The following RTTN variants were observed in gnomAD, a reference collection of about 807,000 sequenced individuals.
RTTN encodes the protein rotatin.
RTTN carries 182 observed loss-of-function variants against 269.2 expected under a neutral mutation model. The observed-to-expected ratio is 0.68, with a 90% CI of 0.60 to 0.76. RTTN has a LOEUF of 0.76. RTTN is among the 30% of genes least tolerant of loss of function. RTTN has a pLI of 0.00. For missense variants in RTTN, 2,545 were observed against 2,608.6 expected (o/e 0.98, Z 0.53); for synonymous variants, 1,006 against 963.5 (o/e 1.04, Z -0.82).
At chr18:70,152,492 C>A (rs1202325514) in intron 14 of RTTN, among the ~76,000 whole-genome samples, 1 of 152,120 alleles carries the variant, frequency 6.6e-6, no homozygotes, top group Non-Finnish European at 1.5e-5. Context: ...TAGCTGCTAT[C>A]ATTATCAATG....
intron 21 of RTTN, among the ~76,000 whole-genome samples, chr18:70,137,942 G>A (rs2060162714): frequency 6.6e-6 from 1 of 152,116 alleles, no homozygotes; most frequent in Non-Finnish European, 1.5e-5. Flanking sequence ...CTTAATAAAC[G>A]TTTGCTGAGA....
chr18:70,203,157 C>T (rs948548899), intron 3 of RTTN, among the ~76,000 whole-genome samples: 5 of 152,148 alleles, frequency 3.3e-5, no homozygotes, highest in Non-Finnish European at 5.9e-5. Context: ...AAGCACTTTA[C>T]AGACATTGTC....
intron 42 of RTTN, among the ~76,000 whole-genome samples, chr18:70,029,380 G>T (rs2056948424): frequency 1.3e-5 from 2 of 152,098 alleles, no homozygotes; most frequent in South Asian, 4.1e-4. Flanking sequence ...GGCAGATCTT[G>T]TTAACCACAG....
At chr18:70,184,716 T>TTTTTTG (rs59000945) in intron 10 of RTTN, among the ~76,000 whole-genome samples, 30 of 33,456 alleles carry the variant, frequency 9.0e-4, no homozygotes, top group East Asian at 8.0e-3. Context: ...TTTTTTTTTT[T>TTTTTTG]TGTGTGTGTG....
chr18:70,175,318 T>C lies in RTTN; in HGVS notation c.1476+1357A>G, dbSNP rs1231049838. Among the ~76,000 whole-genome samples, 3 of 151,802 alleles carry C rather than the reference T, an allele frequency of 2.0e-5. No individual in the cohort carries two copies. In the South Asian group the frequency reaches 6.2e-4, roughly 31 times the overall value. On this transcript the variant is annotated intron_variant, in intron 11 of 48. Transcript: ENST00000640769. Reference sequence around the variant, plus strand: ...GAATAAAGACTAGCACAGAAGATAGTTTATTGCTATCATGGGCAGAAAAGC... The same window carrying C: ...GAATAAAGACTAGCACAGAAGATAGCTTATTGCTATCATGGGCAGAAAAGC...
At chr18:70,167,088 C>G (rs2061007625) in intron 12 of RTTN, 57 bp from the exon 13 acceptor site, 7 of 1,084,966 alleles carry the variant, frequency 6.5e-6, no homozygotes, top group Non-Finnish European at 9.8e-6. Context: ...ATGATATTCT[C>G]AACAGCTAAC....
In RTTN at chr18:70,188,182, C is replaced by A; in HGVS notation, c.1231G>T (p.Glu411Ter). The change falls in exon 10 of 49, where the codon GAG becomes TAG. Residue 411 changes from glutamate to a stop codon, truncating the protein, a stop_gained. Coordinates refer to ENST00000640769, the MANE Select transcript of RTTN (RefSeq NM_173630.4). LOFTEE classifies it high-confidence loss of function. The stretch of plus-strand genomic sequence containing the variant: ...GCTTCACCAATAAGTGTCATATCCT[C>A]TGTAAGCAATTCCAGAACTCTTATT... ...VIIRVLELLTEDMTLIGEAIS... is the reference protein window; with the variant it reads ...VIIRVLELLT The A allele has an allele frequency of 6.2e-7, 1 of 1,611,858 alleles. No homozygotes were observed. The highest frequency in any genetic ancestry group is 8.5e-7 in the Non-Finnish European group (1 of 1,178,336).
intron 38 of RTTN, among the ~76,000 whole-genome samples, chr18:70,052,360 C>G (rs948751643): frequency 6.6e-6 from 1 of 152,130 alleles, no homozygotes; most frequent in South Asian, 2.1e-4. Flanking sequence ...TCATTAGTGG[C>G]TCTCTAAAGA....
At chr18:70,062,447 CAAAT>C (rs1208672580) in intron 35 of RTTN, among the ~76,000 whole-genome samples, 4 of 152,064 alleles carry the variant, frequency 2.6e-5, no homozygotes, top group African/African-American at 7.2e-5. Flanking sequence ...TCTTTCTACA[CAAAT>C]AGATACACGT....
intron 40 of RTTN, among the ~76,000 whole-genome samples, chr18:70,038,619 C>T (rs1008605162): frequency 6.6e-6 from 1 of 152,110 alleles, no homozygotes; most frequent in Non-Finnish European, 1.5e-5. Context: ...ACAAACAAGC[C>T]CAGACTGCAA....
At chr18:70,105,267 G>A (rs904890997) in intron 28 of RTTN, among the ~76,000 whole-genome samples, 8 of 152,150 alleles carry the variant, frequency 5.3e-5, no homozygotes, top group East Asian at 1.9e-4. Context: ...AGCAGTGAGC[G>A]AGGCTCTATA....
At chr18:70,096,312 C>T (rs1232390747) in intron 28 of RTTN, among the ~76,000 whole-genome samples, 1 of 152,208 alleles carries the variant, frequency 6.6e-6, no homozygotes, top group Non-Finnish European at 1.5e-5. Context: ...ATTCACCAAA[C>T]TCATTCTCTA....
chr18:70,051,955 G>A lies in RTTN; in HGVS notation c.5186-407C>T, dbSNP rs186307702. On this transcript the variant is annotated intron_variant, in intron 38 of 48. Transcript: ENST00000640769. ...CCTTTATCCCCTCCAGCAGCTTTGGGCAGGGGTGAAAGGAAAGCACAGTGT... is the reference window on the plus strand; with the variant it reads ...CCTTTATCCCCTCCAGCAGCTTTGGACAGGGGTGAAAGGAAAGCACAGTGT... Among the ~76,000 whole-genome samples the A allele has an allele frequency of 4.9e-4, 74 of 152,264 alleles. 1 individual carries two copies. Among genetic ancestry groups the A allele is most frequent in the Middle Eastern group, 3.4e-3 (1 of 294 alleles).
rs142952870 is a variant in RTTN, at chr18:70,101,012, C to T, written c.3904-8208G>A. 2.7e-3 allele frequency among the ~76,000 whole-genome samples: 418 copies of T among 152,278 alleles called. 3 individuals carry two copies. Among genetic ancestry groups the T allele is most frequent in the African/African-American group, 9.7e-3 (404 of 41,548 alleles). ...TATTGAGGATTTTTGCACTGATGTT[C>T]ATCAGGGATATGGTCTAAAATTCTC... is the stretch of plus-strand genomic sequence containing the variant. On this transcript the variant is annotated intron_variant, in intron 28 of 48. Transcript: ENST00000640769.
intron 11 of RTTN, 36 bp from the exon 12 acceptor site, chr18:70,169,103 T>C (rs781550827): frequency 2.0e-6 from 3 of 1,491,914 alleles, no homozygotes; most frequent in Non-Finnish European, 1.8e-6. Flanking sequence ...ATTAAAACTT[T>C]GTTTAAAAAA....
At chr18:70,008,930 T>C (rs1384441093) in intron 46 of RTTN, 1 of 152,032 alleles carries the variant, frequency 6.6e-6, no homozygotes, top group Non-Finnish European at 1.5e-5. Flanking sequence ...AAGATACTCC[T>C]CGAGAAGAGC....
intron 28 of RTTN, among the ~76,000 whole-genome samples, 182 bp from the exon 29 acceptor site, chr18:70,092,986 T>C (rs2058892797): frequency 1.3e-5 from 2 of 152,300 alleles, no homozygotes; most frequent in African/African-American, 4.8e-5. Context: ...TATTTTACCA[T>C]TGTTAAAAGA....
intron 27 of RTTN, among the ~76,000 whole-genome samples, chr18:70,112,127 G>T (rs1480892263): frequency 6.6e-6 from 1 of 152,114 alleles, no homozygotes; most frequent in East Asian, 1.9e-4. Flanking sequence ...TCACCACCAG[G>T]CCTGCCTTAC....
intron 21 of RTTN, among the ~76,000 whole-genome samples, chr18:70,136,378 A>G (rs1371257970): frequency 6.6e-6 from 1 of 151,114 alleles, no homozygotes; most frequent in Non-Finnish European, 1.5e-5. Flanking sequence ...AAAGTTCTAT[A>G]TGTTTCCATA....
Sources: allele counts gnomAD v4.1 joint callset (sites outside exome capture counted in the v4.1 genomes callset), GRCh38; gene constraint gnomAD v4.1.1; transcripts MANE v1.5; gene names NCBI Gene and HGNC (gene_info 2026-07-23, HGNC 2026-07-21).